RNF150: variants seen among roughly 807,000 people sequenced by gnomAD.
RNF150 encodes ring finger protein 150.
RNF150 carries 24 observed loss-of-function variants against 39.3 expected under a neutral mutation model. That is an observed-to-expected ratio of 0.61 (90% CI 0.44 to 0.86). The LOEUF (loss-of-function observed/expected upper bound fraction) is 0.86, where lower values mean the gene tolerates loss of function less well. Ranked by LOEUF, RNF150 falls within the 40% of genes least tolerant of loss-of-function variation. The pLI is 0.00. For missense variants in RNF150, 502 were observed against 587.8 expected, an observed-to-expected ratio of 0.85 and a Z score of 1.51; for synonymous variants, 255 against 227.3, an observed-to-expected ratio of 1.12 and a Z score of -1.10.
intron 1 of RNF150, among the ~76,000 whole-genome samples, chr4:141,177,739 C>G (rs1727837302): frequency 1.3e-5 from 2 of 152,130 alleles, no homozygotes; most frequent in Admixed American, 1.3e-4. Flanking sequence ...ATTAAGAGCC[C>G]TGGTCCTTTA....
At chr4:141,047,352 C>T (rs1181130293) in intron 1 of RNF150, among the ~76,000 whole-genome samples, 1 of 152,130 alleles carries the variant, frequency 6.6e-6, no homozygotes, top group Non-Finnish European at 1.5e-5. Flanking sequence ...TCGCTGTCAA[C>T]AGGATTTCCA....
chr4:141,136,665 G>A (rs1339999324), upstream of RNF150, among the ~76,000 whole-genome samples: 2 of 152,072 alleles, frequency 1.3e-5, no homozygotes, highest in Non-Finnish European at 2.9e-5. Flanking sequence ...AATAATTATC[G>A]AGCACCTGTT....
intron 1 of RNF150, among the ~76,000 whole-genome samples, chr4:141,061,429 C>G (rs1049675709): frequency 4.6e-5 from 7 of 152,192 alleles, no homozygotes; most frequent in African/African-American, 1.7e-4. Context: ...ATATTAGCTT[C>G]TATTTATGTG....
chr4:141,085,383 CA>C (rs1381838172), intron 1 of RNF150, among the ~76,000 whole-genome samples: 2 of 152,198 alleles, frequency 1.3e-5, no homozygotes, highest in Non-Finnish European at 2.9e-5. Flanking sequence ...CAAACCATAT[CA>C]GGGGCGTAGC....
Position 140,865,078 on chromosome 4 carries a change from A to AC in RNF150, c.*3182_*3183insG, listed in dbSNP as rs1728647501. The AC allele has an allele frequency of 6.6e-6, 1 of 152,122 alleles. No individual in the cohort carries two copies. Among genetic ancestry groups the AC allele is most frequent in the Non-Finnish European group, 1.5e-5 (1 of 68,010 alleles). The allele number at this position is 152,122 out of a possible 1,614,324, so 9.4% of individuals were successfully genotyped here. A position where few individuals can be genotyped will look rare whatever the true frequency, so the allele number is the denominator to read the frequency against. ...AGGAACTCTAGACCTGCATTGTCCA[A>AC]TTGGCAGCCACTAGCCACATGTGAC... On this transcript the variant is annotated 3_prime_UTR_variant, in exon 7 of 7. Transcript: ENST00000515673.
chr4:140,922,793 C>T (rs980332707), intron 5 of RNF150, among the ~76,000 whole-genome samples: 2 of 151,468 alleles, frequency 1.3e-5, no homozygotes, highest in Non-Finnish European at 2.9e-5. Flanking sequence ...TGGAACAGAA[C>T]AGAGCCCTCA....
At chr4:141,165,107 A>C (rs541587942) in intron 1 of RNF150, among the ~76,000 whole-genome samples, 3 of 152,234 alleles carry the variant, frequency 2.0e-5, no homozygotes, top group Non-Finnish European at 4.4e-5. Flanking sequence ...AGTAATAGTT[A>C]CCAAGCAAAC....
chr4:141,070,649 C>T (rs1737658376), intron 1 of RNF150, among the ~76,000 whole-genome samples: 1 of 148,828 alleles, frequency 6.7e-6, no homozygotes, highest in South Asian at 2.2e-4. Context: ...CATCACTGGG[C>T]ATCAGAGAAA....
intron 1 of RNF150, among the ~76,000 whole-genome samples, chr4:141,023,706 C>A (rs1406770318): frequency 2.0e-5 from 3 of 152,180 alleles, no homozygotes; most frequent in African/African-American, 7.2e-5. Flanking sequence ...GCATCATCCA[C>A]ATTTCAAGTG....
At chr4:141,160,022 C>G (rs973317356) in intron 1 of RNF150, among the ~76,000 whole-genome samples, 2 of 152,104 alleles carry the variant, frequency 1.3e-5, no homozygotes, top group Non-Finnish European at 2.9e-5. Context: ...TCTAGAAGCT[C>G]TGCCCCAGGT....
intron 1 of RNF150, among the ~76,000 whole-genome samples, chr4:141,205,475 A>G (rs1728360323): frequency 6.6e-6 from 1 of 152,174 alleles, no homozygotes; most frequent in African/African-American, 2.4e-5. Flanking sequence ...GGTTTTTATT[A>G]TTGAGATAGA....
At chr4:141,148,767 C>T (rs1727245328) in intron 1 of RNF150, among the ~76,000 whole-genome samples, 1 of 152,140 alleles carries the variant, frequency 6.6e-6, no homozygotes, top group African/African-American at 2.4e-5. Context: ...GGTACCACGT[C>T]CCTGTTTCTT....
At chr4:140,896,856 C>A (rs539305051) in intron 6 of RNF150, among the ~76,000 whole-genome samples, 1 of 151,844 alleles carries the variant, frequency 6.6e-6, no homozygotes, top group Non-Finnish European at 1.5e-5. Flanking sequence ...CACATCAGGT[C>A]GGGGATGTTT....
Position 141,165,052 on chromosome 4 carries a change from C to T in RNF150, c.-6+47742G>A, listed in dbSNP as rs577409678. Among the ~76,000 whole-genome samples the T allele has an allele frequency of 3.4e-4, 52 of 152,188 alleles. 1 individual carries two copies. The highest frequency in any genetic ancestry group is 1.2e-3 in the African/African-American group (49 of 41,516). On this transcript the variant is annotated intron_variant, in intron 1 of 7. Transcript: ENST00000420921. ...ACCAGCGTGCTGTATTCAGGAGACC[C>T]GTCTCACATGCAAAGACAGACATAG...
chr4:141,168,162 G>A (rs1011428224), intron 1 of RNF150, among the ~76,000 whole-genome samples: 2 of 152,138 alleles, frequency 1.3e-5, no homozygotes, highest in Admixed American at 6.5e-5. Context: ...CTCAAAAGAA[G>A]ACATTTATGT....
chr4:140,977,752 G>A (rs950966762), intron 1 of RNF150, among the ~76,000 whole-genome samples: 3 of 151,992 alleles, frequency 2.0e-5, no homozygotes, highest in South Asian at 2.1e-4. Flanking sequence ...ATTCACATTC[G>A]AATTCGCCAT....
At chr4:141,072,722 C>A (rs1737753399) in intron 1 of RNF150, among the ~76,000 whole-genome samples, 1 of 152,072 alleles carries the variant, frequency 6.6e-6, no homozygotes, top group South Asian at 2.1e-4. Context: ...AATTTACCAT[C>A]CCTATGAAAA....
chr4:141,199,659 A>G (rs1728258025), intron 1 of RNF150, among the ~76,000 whole-genome samples: 1 of 152,218 alleles, frequency 6.6e-6, no homozygotes, highest in Admixed American at 6.5e-5. Context: ...TTATAGGGAG[A>G]GAACAGAGGA....
chr4:141,189,445 T>A (rs1255634074), intron 1 of RNF150, among the ~76,000 whole-genome samples: 2 of 152,156 alleles, frequency 1.3e-5, no homozygotes, highest in Non-Finnish European at 2.9e-5. Flanking sequence ...GATCCACTGC[T>A]CTCTTCAGAG....
Sources: allele counts gnomAD v4.1 joint callset (sites outside exome capture counted in the v4.1 genomes callset), GRCh38; gene constraint gnomAD v4.1.1; transcripts MANE v1.5; gene names NCBI Gene and HGNC (gene_info 2026-07-23, HGNC 2026-07-21).